The following ATXN1 variants were observed in gnomAD, a reference collection of about 807,000 sequenced individuals.
ATXN1 encodes ataxin 1.
Under a neutral mutation model 56.4 loss-of-function variants are expected in ATXN1, and 8 were observed. That is an observed-to-expected ratio of 0.14 (90% CI 0.08 to 0.26). The LOEUF (loss-of-function observed/expected upper bound fraction) is 0.26. ATXN1 is among the 10% of genes least tolerant of loss of function. The pLI is 1.00. For missense variants in ATXN1, 987 were observed against 1,106.5 expected (o/e 0.89, Z 1.53); for synonymous variants, 514 against 494.6 (o/e 1.04, Z -0.52).
intron 6 of ATXN1, among the ~76,000 whole-genome samples, chr6:16,402,836 G>A (rs561671751): frequency 6.6e-6 from 1 of 152,300 alleles, no homozygotes; most frequent in South Asian, 2.1e-4. Flanking sequence ...GGCCTCAGAG[G>A]TTCTGGGCTT....
chr6:16,509,770 C>A (rs1460627514), intron 5 of ATXN1, among the ~76,000 whole-genome samples: 1 of 152,174 alleles, frequency 6.6e-6, no homozygotes, highest in African/African-American at 2.4e-5. Context: ...GGTTCCTCTT[C>A]GCTTCCTGAA....
At chr6:16,594,978 C>G (rs956048625) in intron 3 of ATXN1, among the ~76,000 whole-genome samples, 1 of 152,088 alleles carries the variant, frequency 6.6e-6, no homozygotes, top group Admixed American at 6.5e-5. Flanking sequence ...TTGAAGACTC[C>G]CCATGACCTT....
chr6:16,565,122 G>A (rs1429517967), intron 4 of ATXN1, among the ~76,000 whole-genome samples: 1 of 152,076 alleles, frequency 6.6e-6, no homozygotes, highest in Non-Finnish European at 1.5e-5. Context: ...TGAGCATAGT[G>A]GTTAAAAATC....
At chr6:16,684,323 T>C (rs746245369) in intron 2 of ATXN1, among the ~76,000 whole-genome samples, 2 of 152,316 alleles carry the variant, frequency 1.3e-5, no homozygotes, top group South Asian at 2.1e-4. Flanking sequence ...TAGGGACTTA[T>C]TGAAACTTGA....
At chr6:16,680,854 A>G (rs1185764225) in intron 2 of ATXN1, among the ~76,000 whole-genome samples, 1 of 152,168 alleles carries the variant, frequency 6.6e-6, no homozygotes, top group Non-Finnish European at 1.5e-5. Flanking sequence ...AATAAATTCC[A>G]TTATTTTAGA....
At chr6:16,377,135 C>G (rs1197444036) in intron 6 of ATXN1, among the ~76,000 whole-genome samples, 1 of 152,084 alleles carries the variant, frequency 6.6e-6, no homozygotes, top group African/African-American at 2.4e-5. Context: ...ATCTATGAAC[C>G]AAAAAAATCA....
chr6:16,418,595 A>G (rs1758964684), intron 6 of ATXN1, among the ~76,000 whole-genome samples: 2 of 151,834 alleles, frequency 1.3e-5, no homozygotes, highest in South Asian at 4.2e-4. Flanking sequence ...TTTAGGTTAC[A>G]TGTGCACAAT....
intron 4 of ATXN1, among the ~76,000 whole-genome samples, chr6:16,527,658 T>C (rs1761421159): frequency 1.3e-5 from 2 of 152,124 alleles, no homozygotes; most frequent in Admixed American, 1.3e-4. Context: ...GTCATGCTCT[T>C]AGAAAAAACA....
intron 3 of ATXN1, among the ~76,000 whole-genome samples, chr6:16,657,238 C>T (rs770830555): frequency 3.9e-5 from 6 of 152,124 alleles, no homozygotes; most frequent in Non-Finnish European, 8.8e-5. Flanking sequence ...CCGCGCGCCT[C>T]GGCCTCCCAA....
chr6:16,385,407 C>T (rs1758219791), intron 6 of ATXN1, among the ~76,000 whole-genome samples: 1 of 152,162 alleles, frequency 6.6e-6, no homozygotes, highest in African/African-American at 2.4e-5. Flanking sequence ...TCAGGTTTGG[C>T]CTGCTGCAGG....
At position 16,303,045 on chromosome 6, in the gene ATXN1, ACAGC is replaced by A. The variant is rs1414267968; in HGVS notation, c.*3280_*3283del. 1 of 152,662 alleles carries A rather than the reference ACAGC, an allele frequency of 6.6e-6. No individual in the cohort carries two copies. 9.5% of individuals were successfully genotyped at this position (152,662 alleles called of 1,614,324 possible). A position where few individuals can be genotyped will look rare whatever the true frequency, so the allele number is the denominator to read the frequency against. Reference sequence around the variant, plus strand: ...CCGTGGGTGGCAGGTGGTCCCCTCCACAGCCACTGGCCAACACGCTCAGAACGCA... The same window carrying A: ...CCGTGGGTGGCAGGTGGTCCCCTCCACACTGGCCAACACGCTCAGAACGCA... On this transcript the variant is annotated 3_prime_UTR_variant, in exon 8 of 8. Coordinates refer to ENST00000436367, the MANE Select transcript of ATXN1 (RefSeq NM_001128164.2). The surrounding 1 kb of genome is among the most constrained non-coding windows in gnomAD (Gnocchi z 4.3).
intron 7 of ATXN1, among the ~76,000 whole-genome samples, chr6:16,308,183 A>G (rs958777077): frequency 5.3e-5 from 8 of 152,098 alleles, no homozygotes; most frequent in African/African-American, 1.9e-4. Context: ...AAAATTAGCC[A>G]GGTGTGGTGG....
intron 5 of ATXN1, among the ~76,000 whole-genome samples, chr6:16,486,757 G>C (rs1760554492): frequency 1.3e-5 from 2 of 152,004 alleles, no homozygotes; most frequent in Non-Finnish European, 2.9e-5. Context: ...AGAGTGTAAG[G>C]TGGGCAGTAG....
chr6:16,477,552 C>T (rs1454226076), intron 6 of ATXN1, among the ~76,000 whole-genome samples: 1 of 152,314 alleles, frequency 6.6e-6, no homozygotes, highest in South Asian at 2.1e-4. Context: ...TCAGGCCAGA[C>T]CTGTCAACAG....
chr6:16,717,800 AGG>A (rs1759668999), intron 2 of ATXN1, among the ~76,000 whole-genome samples: 1 of 152,198 alleles, frequency 6.6e-6, no homozygotes, highest in Non-Finnish European at 1.5e-5. Context: ...CTCCAAAAGC[AGG>A]GGCAGAAGGC....
chr6:16,431,427 T>A (rs1320394653), intron 6 of ATXN1, among the ~76,000 whole-genome samples: 1 of 152,128 alleles, frequency 6.6e-6, no homozygotes, highest in Non-Finnish European at 1.5e-5. Flanking sequence ...AATGGGCAAA[T>A]TCACTTCAGA....
At chr6:16,582,785 G>C (rs554662567) in intron 4 of ATXN1, among the ~76,000 whole-genome samples, 63 of 152,292 alleles carry the variant, frequency 4.1e-4, no homozygotes, top group African/African-American at 1.4e-3. Flanking sequence ...ACCAGCCAGT[G>C]ATCCACAGCA....
In ATXN1 at chr6:16,579,252, G is replaced by A. The variant is rs186459973; in HGVS notation, c.-361+6528C>T. 7.9e-5 allele frequency among the ~76,000 whole-genome samples: 12 copies of A among 152,238 alleles called. No homozygotes were observed. The East Asian group carries it at 2.1e-3, about 27-fold the overall frequency. On this transcript the variant is annotated intron_variant, in intron 4 of 7. Coordinates refer to ENST00000436367, the MANE Select transcript of ATXN1 (RefSeq NM_001128164.2). ...TCATTAGCTCCACCTGAGCAAGATG[G>A]AAGACACACACCAAAAAACACTCTA... is the stretch of plus-strand genomic sequence containing the variant.
intron 2 of ATXN1, among the ~76,000 whole-genome samples, chr6:16,687,008 G>C (rs1176799171): frequency 1.3e-5 from 2 of 152,116 alleles, no homozygotes; most frequent in African/African-American, 4.8e-5. Flanking sequence ...ATCTTAATGG[G>C]AACAATCAGA....
Sources: allele counts gnomAD v4.1 joint callset (sites outside exome capture counted in the v4.1 genomes callset), GRCh38; gene constraint gnomAD v4.1.1; non-coding constraint Gnocchi (gnomAD v3.1); transcripts MANE v1.5; gene names NCBI Gene and HGNC (gene_info 2026-07-23, HGNC 2026-07-21).